CTNNA2: variants seen among roughly 807,000 people sequenced by gnomAD.
CTNNA2 encodes catenin alpha-2.
A neutral mutation model predicts 101.0 loss-of-function variants in CTNNA2; 42 were observed. The observed-to-expected ratio is 0.42, with a 90% CI of 0.32 to 0.54. The LOEUF (loss-of-function observed/expected upper bound fraction) is 0.54, where lower values mean the gene tolerates loss of function less well. Among genes scored for constraint, CTNNA2 ranks in the 20% least tolerant of loss-of-function variants. The probability of loss-of-function intolerance (pLI) is 0.14; values close to 1 mark genes in which losing one functional copy is unlikely to be tolerated. For missense variants in CTNNA2, 871 were observed against 1,223.1 expected, an observed-to-expected ratio of 0.71 and a Z score of 4.29; for synonymous variants, 450 against 456.4, an observed-to-expected ratio of 0.99 and a Z score of 0.18.
chr2:79,416,257 CTT>C (rs66830925), intron 4 of CTNNA2, among the ~76,000 whole-genome samples: 1,975 of 94,554 alleles, frequency 0.021, 19 homozygotes, highest in African/African-American at 0.066. Flanking sequence ...CTTTCCTTTT[CTT>C]TTTTTTTTTT....
At chr2:79,384,400 CT>C (rs1328153297) in intron 4 of CTNNA2, among the ~76,000 whole-genome samples, 40 of 74,950 alleles carry the variant, frequency 5.3e-4, no homozygotes, top group African/African-American at 1.3e-3. Context: ...CTCTCTCTCT[CT>C]CTCTCTCTCT....
chr2:79,652,604 C>T (rs912072055), intron 2 of CTNNA2, among the ~76,000 whole-genome samples: 6 of 152,004 alleles, frequency 3.9e-5, no homozygotes, highest in African/African-American at 9.7e-5. Context: ...TGATTATGTT[C>T]GGTCCACCCA....
At chr2:80,620,400 T>A (rs535689282) in intron 18 of CTNNA2, among the ~76,000 whole-genome samples, 4 of 151,878 alleles carry the variant, frequency 2.6e-5, no homozygotes, top group Non-Finnish European at 5.9e-5. Context: ...CCCAAAGTTA[T>A]ACACTTTTAT....
chr2:80,215,068 A>G (rs988977050), intron 7 of CTNNA2, among the ~76,000 whole-genome samples: 1 of 152,110 alleles, frequency 6.6e-6, no homozygotes, highest in Non-Finnish European at 1.5e-5. Context: ...AAGCTTATGC[A>G]TTCATCACAT....
intron 7 of CTNNA2, among the ~76,000 whole-genome samples, chr2:80,033,757 A>G (rs545733500): frequency 6.6e-6 from 1 of 152,244 alleles, no homozygotes; most frequent in East Asian, 1.9e-4. Flanking sequence ...GAATACATGA[A>G]GAGATCTCTG....
intron 2 of CTNNA2, among the ~76,000 whole-genome samples, chr2:79,298,833 A>C (rs183227595): frequency 3.9e-5 from 6 of 152,302 alleles, no homozygotes; most frequent in Admixed American, 2.6e-4. Flanking sequence ...CTTTTCTTTC[A>C]AATATGTTCC....
intron 3 of CTNNA2, among the ~76,000 whole-genome samples, chr2:79,313,714 G>C (rs1676433542): frequency 6.6e-6 from 1 of 152,256 alleles, no homozygotes; most frequent in South Asian, 2.1e-4. Context: ...AAACATGCAG[G>C]TCTGTCTTCT....
chr2:80,528,118 G>C (rs1170338652), intron 9 of CTNNA2, among the ~76,000 whole-genome samples: 1 of 152,160 alleles, frequency 6.6e-6, no homozygotes, highest in Non-Finnish European at 1.5e-5. Context: ...TGGAGATGTG[G>C]GGCACATGAG....
At chr2:80,391,136 A>C (rs1459399842) in intron 7 of CTNNA2, among the ~76,000 whole-genome samples, 2 of 151,772 alleles carry the variant, frequency 1.3e-5, no homozygotes, top group Non-Finnish European at 2.9e-5. Context: ...TCTCAGAAAA[A>C]AAAAAAAAAA....
intron 2 of CTNNA2, among the ~76,000 whole-genome samples, chr2:79,214,272 T>A (rs550660394): frequency 6.6e-6 from 1 of 152,206 alleles, no homozygotes; most frequent in African/African-American, 2.4e-5. Flanking sequence ...TCAGTCCAAG[T>A]GAAAGCGAAG....
intron 7 of CTNNA2, among the ~76,000 whole-genome samples, chr2:79,979,624 C>A (rs767852011): frequency 6.6e-6 from 1 of 151,756 alleles, no homozygotes; most frequent in Non-Finnish European, 1.5e-5. Flanking sequence ...TTTATTTATA[C>A]CTAGCTAATT....
intron 7 of CTNNA2, among the ~76,000 whole-genome samples, chr2:80,012,112 G>A (rs913847615): frequency 2.6e-5 from 4 of 152,074 alleles, no homozygotes; most frequent in African/African-American, 9.7e-5. Flanking sequence ...CCCTCCCTTT[G>A]TAACCTCTCT....
chr2:80,557,750 C>G (rs1424565622), intron 12 of CTNNA2, among the ~76,000 whole-genome samples: 1 of 152,136 alleles, frequency 6.6e-6, no homozygotes, highest in Non-Finnish European at 1.5e-5. Flanking sequence ...CTTACTAGGT[C>G]AAAATCTAAA....
intron 7 of CTNNA2, among the ~76,000 whole-genome samples, chr2:80,099,700 G>A (rs1213056819): frequency 6.6e-6 from 1 of 150,766 alleles, no homozygotes; most frequent in Non-Finnish European, 1.5e-5. Flanking sequence ...CGTATTTCTG[G>A]TGCCTCCATT....
intron 7 of CTNNA2, among the ~76,000 whole-genome samples, chr2:80,124,657 T>G (rs539271409): frequency 6.6e-6 from 1 of 152,352 alleles, no homozygotes; most frequent in African/African-American, 2.4e-5. Context: ...CCAAATTCTG[T>G]TGCATCAAAG....
intron 7 of CTNNA2, among the ~76,000 whole-genome samples, chr2:80,237,322 A>G (rs183243077): frequency 6.6e-6 from 1 of 152,186 alleles, no homozygotes; most frequent in Non-Finnish European, 1.5e-5. Flanking sequence ...ACAGTACCCA[A>G]ATTACAATGG....
At chr2:80,363,283 G>A (rs1674599004) in intron 7 of CTNNA2, among the ~76,000 whole-genome samples, 1 of 151,952 alleles carries the variant, frequency 6.6e-6, no homozygotes, top group Non-Finnish European at 1.5e-5. Flanking sequence ...CTTGAATTCA[G>A]AGGTACTTCG....
At chr2:80,583,103 C>T (rs182173153) in intron 14 of CTNNA2, among the ~76,000 whole-genome samples, 1 of 152,148 alleles carries the variant, frequency 6.6e-6, no homozygotes, top group Non-Finnish European at 1.5e-5. Context: ...GAACCATGCT[C>T]AAAGCTACAT....
At chr2:79,642,514 C>A (rs974577138) in intron 1 of CTNNA2, among the ~76,000 whole-genome samples, 4 of 152,132 alleles carry the variant, frequency 2.6e-5, no homozygotes, top group Non-Finnish European at 5.9e-5. Flanking sequence ...TGATACACTA[C>A]CTCGTTATAG....
Sources: gnomAD v4.1 joint callset for allele counts (sites outside exome capture counted in the v4.1 genomes callset) on GRCh38, gnomAD v4.1.1 for gene constraint, MANE v1.5 for transcripts, NCBI Gene and HGNC (gene_info 2026-07-23, HGNC 2026-07-21) for gene names.